The following CAMTA1 variants were observed in gnomAD, a reference collection of about 807,000 sequenced individuals.
CAMTA1 encodes the protein calmodulin binding transcription activator 1.
Under a neutral mutation model 170.9 loss-of-function variants are expected in CAMTA1, and 27 were observed. That is an observed-to-expected ratio of 0.16 (90% CI 0.12 to 0.22). CAMTA1 has a LOEUF of 0.22. Ranked by LOEUF, CAMTA1 falls within the 10% of genes least tolerant of loss-of-function variation. The pLI, the probability that CAMTA1 is intolerant of heterozygous loss-of-function variation, is 1.00. For missense variants in CAMTA1, 1,619 were observed against 2,217.2 expected (o/e 0.73, Z 5.42); for synonymous variants, 833 against 891.5 (o/e 0.93, Z 1.17).
intron 3 of CAMTA1, among the ~76,000 whole-genome samples, chr1:7,089,674 T>C (rs189621420): frequency 6.6e-6 from 1 of 152,174 alleles, no homozygotes; most frequent in Non-Finnish European, 1.5e-5. Flanking sequence ...GTGTCAGCGA[T>C]AACGTGTTCC....
intron 4 of CAMTA1, among the ~76,000 whole-genome samples, chr1:7,107,075 A>G (rs1263297444): frequency 6.6e-6 from 1 of 152,074 alleles, no homozygotes; most frequent in Non-Finnish European, 1.5e-5. Flanking sequence ...CATAATGTCT[A>G]GCGTTAGTCA....
chr1:7,605,382 G>T (rs1413059277), intron 6 of CAMTA1, among the ~76,000 whole-genome samples: 1 of 152,194 alleles, frequency 6.6e-6, no homozygotes, highest in Non-Finnish European at 1.5e-5. Context: ...CCTCGGCAAT[G>T]GCAGGCGCCC....
intron 11 of CAMTA1, among the ~76,000 whole-genome samples, chr1:7,721,091 G>T (rs2096646749): frequency 1.3e-5 from 2 of 152,186 alleles, no homozygotes; most frequent in South Asian, 4.1e-4. Flanking sequence ...TTTCTGAATG[G>T]TGCTAGGGAT....
At chr1:7,277,553 G>A (rs552697438) in intron 5 of CAMTA1, among the ~76,000 whole-genome samples, 1 of 151,724 alleles carries the variant, frequency 6.6e-6, no homozygotes, top group South Asian at 2.1e-4. Context: ...CAGATAAACT[G>A]AGTTTCCCAA....
chr1:7,197,618 T>G (rs1478928590), intron 4 of CAMTA1, among the ~76,000 whole-genome samples: 1 of 126,456 alleles, frequency 7.9e-6, no homozygotes, highest in Admixed American at 8.3e-5. Context: ...ACTCAAATTA[T>G]TGTCCCCCAC....
intron 3 of CAMTA1, among the ~76,000 whole-genome samples, chr1:6,861,148 G>T (rs951717905): frequency 6.6e-6 from 1 of 151,874 alleles, no homozygotes; most frequent in Admixed American, 6.6e-5. Flanking sequence ...TAGAGATGGG[G>T]TTTCACCTCG....
rs536705860 is a variant in CAMTA1 at position 7,570,945 on chromosome 1, C to G, written c.511-69455C>G. On this transcript the variant is annotated intron_variant, in intron 6 of 22. Transcript: ENST00000303635. This position sits in a 1 kb window ranked among gnomAD's most constrained non-coding sequence, Gnocchi z 4.3. ...AGTTGCCTCAAGATGGGCAGCCTTT[C>G]TGTGTCGCCGGAGGTTGTGAGGATT... is the stretch of plus-strand genomic sequence containing the variant. 7.8e-4 allele frequency among the ~76,000 whole-genome samples: 119 copies of G among 152,306 alleles called. No individual in the cohort carries two copies. Among genetic ancestry groups the G allele is most frequent in the African/African-American group, 2.8e-3 (115 of 41,562 alleles).
intron 5 of CAMTA1, among the ~76,000 whole-genome samples, chr1:7,355,528 C>T (rs530422495): frequency 3.3e-5 from 5 of 152,372 alleles, no homozygotes; most frequent in African/African-American, 1.2e-4. Context: ...CCTTACACCC[C>T]TACCCCCAAA....
chr1:7,024,287 G>T (rs1263720243), intron 3 of CAMTA1, among the ~76,000 whole-genome samples: 1 of 151,968 alleles, frequency 6.6e-6, no homozygotes, highest in Admixed American at 6.6e-5. Flanking sequence ...AATTGCAGGT[G>T]GAATAAATAA....
chr1:7,479,923 A>C (rs1003004394), intron 6 of CAMTA1, among the ~76,000 whole-genome samples: 2 of 103,592 alleles, frequency 1.9e-5, no homozygotes, highest in Non-Finnish European at 3.9e-5. Context: ...ATGTGTGTGA[A>C]TGTGTATATG....
chr1:7,311,321 T>C (rs1676699609), intron 5 of CAMTA1, among the ~76,000 whole-genome samples: 3 of 152,236 alleles, frequency 2.0e-5, no homozygotes. Flanking sequence ...TATTCTCTCT[T>C]ATTCAGATTG....
At position 7,050,037 on chromosome 1, in the gene CAMTA1, C is replaced by T. The variant is rs187222927; in HGVS notation, c.235-41267C>T. Among the ~76,000 whole-genome samples, 37 of 152,322 alleles carry T rather than the reference C, an allele frequency of 2.4e-4. No individual in the cohort carries two copies. The highest frequency in any genetic ancestry group is 7.0e-4 in the African/African-American group (29 of 41,576). On this transcript the variant is annotated intron_variant, in intron 3 of 22. Transcript: ENST00000303635. This position sits in a 1 kb window ranked among gnomAD's most constrained non-coding sequence, Gnocchi z 4.8. ...AATCCCAGGGACATCTGGGCAAAGA[C>T]GTTCCCAGGAGGGGACTGCAAGCGC... is the stretch of plus-strand genomic sequence containing the variant.
At chr1:7,110,067 T>C (rs943070455) in intron 4 of CAMTA1, among the ~76,000 whole-genome samples, 3 of 152,158 alleles carry the variant, frequency 2.0e-5, no homozygotes, top group African/African-American at 7.2e-5. Context: ...GCATTCAATT[T>C]ATCTGAGTTT....
At position 7,674,465 on chromosome 1, in the gene CAMTA1, A is replaced by C. The variant is rs1213522463; in HGVS notation, c.2780-3134A>C. Among the ~76,000 whole-genome samples, 1 of 152,156 alleles carries C rather than the reference A, an allele frequency of 6.6e-6. No individual in the cohort carries two copies. The highest frequency in any genetic ancestry group is 1.5e-5 in the Non-Finnish European group (1 of 68,026). ...CCCTACTCTGGATTCCTAAGAGGTC[A>C]CCAGAACACAAAAGATGAAATTCAA... On this transcript the variant is annotated intron_variant, in intron 10 of 22. Coordinates refer to ENST00000303635, the MANE Select transcript of CAMTA1 (RefSeq NM_015215.4). This position sits in a 1 kb window ranked among gnomAD's most constrained non-coding sequence, Gnocchi z 4.1.
intron 3 of CAMTA1, among the ~76,000 whole-genome samples, chr1:7,080,531 TTTA>T (rs892895624): frequency 6.6e-6 from 1 of 151,810 alleles, no homozygotes; most frequent in Non-Finnish European, 1.5e-5. Context: ...GCACTGTGGA[TTTA>T]TTATTATTAT....
rs773649974 is a variant in CAMTA1 at position 7,165,431 on chromosome 1, T to C, written c.302+74060T>C. Among the ~76,000 whole-genome samples the C allele has an allele frequency of 2.7e-4, 41 of 152,272 alleles. 1 individual carries two copies. Among genetic ancestry groups the C allele is most frequent in the Non-Finnish European group, 2.6e-4 (18 of 68,020 alleles). The stretch of plus-strand genomic sequence containing the variant: ...ATAGTGTTTTTCACCCTCATGCTTC[T>C]TTTCTTTTCTTTTTTTTGGAGACGG... On this transcript the variant is annotated intron_variant, in intron 4 of 22. Transcript: ENST00000303635.
At position 7,053,586 on chromosome 1, in the gene CAMTA1, C is replaced by T. The variant is rs145353485; in HGVS notation, c.235-37718C>T. ...AGTCCTCACTGTGACAGGATCTGCA[C>T]CCCCACCCGCCAGGGCCCCTCTGAG... On this transcript the variant is annotated intron_variant, in intron 3 of 22. Transcript: ENST00000303635. Among the ~76,000 whole-genome samples, 149 of 152,278 alleles carry T rather than the reference C, an allele frequency of 9.8e-4. No homozygotes were observed. The Middle Eastern group carries it at 0.017, about 17-fold the overall frequency.
chr1:7,377,902 CAG>C (rs1328955339), intron 5 of CAMTA1, among the ~76,000 whole-genome samples: 1 of 152,068 alleles, frequency 6.6e-6, no homozygotes, highest in Non-Finnish European at 1.5e-5. Context: ...GTCTGGGTGA[CAG>C]AGTGAGAGCC....
rs186139873 is a variant in CAMTA1, at chr1:7,605,570, G to T, written c.511-34830G>T. Among the ~76,000 whole-genome samples the T allele has an allele frequency of 3.5e-3, 529 of 152,276 alleles. 3 individuals are homozygous for T. Among genetic ancestry groups the T allele is most frequent in the African/African-American group, 0.011 (474 of 41,540 alleles). On this transcript the variant is annotated intron_variant, in intron 6 of 22. Coordinates refer to ENST00000303635, the MANE Select transcript of CAMTA1 (RefSeq NM_015215.4). ...AGGGTGGGAGTGACCTGATTTTCCA[G>T]GTGCCATCTGTCACCCCTTTCTTTG...
Sources: gnomAD v4.1 joint callset for allele counts (sites outside exome capture counted in the v4.1 genomes callset) on GRCh38, gnomAD v4.1.1 for gene constraint, Gnocchi (gnomAD v3.1) non-coding constraint, MANE v1.5 for transcripts, NCBI Gene and HGNC (gene_info 2026-07-23, HGNC 2026-07-21) for gene names.